Variants in PCDH11Y observed in about 807,000 individuals in gnomAD.
The protein encoded by PCDH11Y is protocadherin 11 Y-linked, also known as protocadherin-11 Y-linked.
For synonymous variants in PCDH11Y, 9 were observed against 83.6 expected, an observed-to-expected ratio of 0.11 and a Z score of 4.87; for missense variants, 12 against 224.8, an observed-to-expected ratio of 0.05 and a Z score of 6.05.
intron 1 of PCDH11Y, among the ~76,000 whole-genome samples, chrY:5,077,645 A>C: frequency 6.4e-5 from 1 of 15,518 alleles, no homozygotes; most frequent in Non-Finnish European, 1.4e-4. Flanking sequence ...AATTTTATAA[A>C]ATGCTTTTTC....
intron 1 of PCDH11Y, among the ~76,000 whole-genome samples, chrY:5,010,205 CA>C (rs2052546937): frequency 6.5e-4 from 5 of 7,725 alleles, no homozygotes; most frequent in Admixed American, 1.9e-3. Context: ...GACTCCGTCT[CA>C]AAAAAAAAAA....
chrY:5,618,551 C>A, intron 4 of PCDH11Y, among the ~76,000 whole-genome samples: 1 of 24,242 alleles, frequency 4.1e-5, no homozygotes, highest in African/African-American at 1.6e-4. Context: ...TAATTTTTCA[C>A]TTGTAGTAAT....
At chrY:5,603,588 G>T (rs2556738) in intron 4 of PCDH11Y, among the ~76,000 whole-genome samples, 1 of 31,347 alleles carries the variant, frequency 3.2e-5, no homozygotes, top group Non-Finnish European at 7.6e-5. Context: ...GAAGTTATGC[G>T]CATCTAGGAA....
chrY:5,559,575 G>A, intron 3 of PCDH11Y, among the ~76,000 whole-genome samples: 3 of 32,617 alleles, frequency 9.2e-5, no homozygotes, highest in Non-Finnish European at 1.5e-4. Flanking sequence ...AACCTGGTGG[G>A]AGGTGACTGA....
intron 2 of PCDH11Y, among the ~76,000 whole-genome samples, chrY:5,300,272 C>T: frequency 3.0e-5 from 1 of 33,333 alleles, no homozygotes; most frequent in Non-Finnish European, 7.4e-5. Context: ...CAGAATCATT[C>T]TGCTTCTTTA....
chrY:5,153,499 A>G (rs2052865844), intron 2 of PCDH11Y, among the ~76,000 whole-genome samples: 1 of 32,944 alleles, frequency 3.0e-5, no homozygotes, highest in Non-Finnish European at 7.5e-5. Flanking sequence ...TCCATAAAGT[A>G]GTAAGAAACT....
intron 4 of PCDH11Y, among the ~76,000 whole-genome samples, chrY:5,649,351 G>A (rs2124705958): frequency 3.1e-5 from 1 of 31,900 alleles, no homozygotes; most frequent in East Asian, 8.2e-4. Context: ...ATTTTTTAAA[G>A]ATTAGCAATT....
At chrY:5,344,760 C>A (rs2053150275) in intron 2 of PCDH11Y, among the ~76,000 whole-genome samples, 1 of 33,100 alleles carries the variant, frequency 3.0e-5, no homozygotes, top group Non-Finnish European at 7.5e-5. Flanking sequence ...CCTCCGCCTC[C>A]TGGGTTCAAG....
At chrY:5,009,197 C>T in intron 1 of PCDH11Y, among the ~76,000 whole-genome samples, 1 of 33,201 alleles carries the variant, frequency 3.0e-5, no homozygotes, top group Non-Finnish European at 7.4e-5. Context: ...ATAATAGTAT[C>T]TTATCAGAAA....
intron 2 of PCDH11Y, among the ~76,000 whole-genome samples, chrY:5,323,804 G>A (rs2053115849): frequency 3.0e-5 from 1 of 32,980 alleles, no homozygotes; most frequent in African/African-American, 1.2e-4. Context: ...GTATTTGCGT[G>A]GAAATGAAAC....
chrY:5,155,655 GT>G (rs776393480), intron 2 of PCDH11Y, among the ~76,000 whole-genome samples: 688 of 31,012 alleles, frequency 0.022, no homozygotes, highest in Middle Eastern at 0.1. Context: ...GCGATGTCAT[GT>G]TTTTTTTTAA....
At chrY:5,206,908 A>T (rs1602886230) in intron 2 of PCDH11Y, among the ~76,000 whole-genome samples, 1 of 30,014 alleles carries the variant, frequency 3.3e-5, no homozygotes, top group East Asian at 8.9e-4. Context: ...ACTCAATATG[A>T]ACTTACAAAG....
intron 4 of PCDH11Y, among the ~76,000 whole-genome samples, chrY:5,686,797 CAT>C: frequency 3.0e-5 from 1 of 33,737 alleles, no homozygotes; most frequent in East Asian, 7.9e-4. Flanking sequence ...GAATACGCTA[CAT>C]TTTCTTCTCC....
intron 4 of PCDH11Y, among the ~76,000 whole-genome samples, chrY:5,584,172 A>G: frequency 3.0e-5 from 1 of 33,140 alleles, no homozygotes; most frequent in Non-Finnish European, 7.5e-5. Context: ...ATTTTTCAGC[A>G]TCAATTGAAA....
chrY:5,559,132 A>T, intron 3 of PCDH11Y, among the ~76,000 whole-genome samples: 1 of 33,083 alleles, frequency 3.0e-5, no homozygotes. Flanking sequence ...CTGAAAGAAC[A>T]TGTTAGCAAA....
intron 2 of PCDH11Y, among the ~76,000 whole-genome samples, chrY:5,440,091 CA>C (rs2053279259): frequency 2.9e-5 from 1 of 34,192 alleles, no homozygotes; most frequent in Non-Finnish European, 7.3e-5. Context: ...TTATCCCTTT[CA>C]GATATCAATT....
chrY:5,615,432 G>A (rs372951591), intron 4 of PCDH11Y, among the ~76,000 whole-genome samples: 2 of 30,423 alleles, frequency 6.6e-5, no homozygotes, highest in African/African-American at 2.4e-4. Context: ...AAATTAGGAA[G>A]TATAAGAGAC....
At chrY:5,545,160 T>C (rs2053411711) in intron 3 of PCDH11Y, among the ~76,000 whole-genome samples, 1 of 31,795 alleles carries the variant, frequency 3.1e-5, no homozygotes, top group Admixed American at 2.9e-4. Flanking sequence ...CCAAGAAATA[T>C]GAATAAAAGG....
At chrY:5,262,321 T>C (rs2124658236) in intron 2 of PCDH11Y, among the ~76,000 whole-genome samples, 1 of 32,286 alleles carries the variant, frequency 3.1e-5, no homozygotes, top group Non-Finnish European at 7.6e-5. Flanking sequence ...CTCATTGTGG[T>C]TTTGATTTGT....
Sources: allele counts gnomAD v4.1 joint callset (sites outside exome capture counted in the v4.1 genomes callset), GRCh38; gene constraint gnomAD v4.1.1; transcripts MANE v1.5; gene names NCBI Gene and HGNC (gene_info 2026-07-23, HGNC 2026-07-21).